FHIT: variants seen among roughly 807,000 people sequenced by gnomAD.
The protein encoded by FHIT is fragile histidine triad diadenosine triphosphatase.
A neutral mutation model predicts 17.9 loss-of-function variants in FHIT; 19 were observed. That is an observed-to-expected ratio of 1.06 (90% CI 0.74 to 1.56). The LOEUF (loss-of-function observed/expected upper bound fraction) is 1.56. Among genes scored for constraint, FHIT ranks in the 40% most tolerant of loss-of-function variants. FHIT has a pLI of 0.00. For missense variants in FHIT, 248 were observed against 189.2 expected (o/e 1.31, Z -1.82); for synonymous variants, 81 against 69.7 (o/e 1.16, Z -0.81).
Position 60,636,869 on chromosome 3 carries a change from A to G in FHIT, c.-17-99890T>C, listed in dbSNP as rs1360565287. 5.3e-5 allele frequency among the ~76,000 whole-genome samples: 8 copies of G among 152,192 alleles called. No homozygotes were observed. The East Asian group carries it at 1.3e-3, about 26-fold the overall frequency. On this transcript the variant is annotated intron_variant, in intron 4 of 9. Transcript: ENST00000492590. ...TCCTGTGACCTCATTTTCACTCTAA[A>G]GTAACAGAGAAAGCCAAGTGGCTTC...
chr3:60,849,228 A>G (rs1393664131), intron 3 of FHIT, among the ~76,000 whole-genome samples: 5 of 151,936 alleles, frequency 3.3e-5, no homozygotes, highest in Non-Finnish European at 5.9e-5. Flanking sequence ...AGGGAGAGAC[A>G]GAGAGAATGA....
At chr3:60,206,241 T>G (rs1242742022) in intron 5 of FHIT, among the ~76,000 whole-genome samples, 1 of 151,824 alleles carries the variant, frequency 6.6e-6, no homozygotes, top group East Asian at 1.9e-4. Flanking sequence ...TTCTTGTTCT[T>G]GCTGCTATTA....
intron 5 of FHIT, among the ~76,000 whole-genome samples, chr3:60,208,481 A>T (rs1024704498): frequency 6.6e-6 from 1 of 152,228 alleles, no homozygotes; most frequent in East Asian, 1.9e-4. Context: ...CTAAATGCCC[A>T]CATTATGAGA....
At chr3:60,960,964 G>A (rs1395840669) in intron 3 of FHIT, among the ~76,000 whole-genome samples, 1 of 152,146 alleles carries the variant, frequency 6.6e-6, no homozygotes, top group Non-Finnish European at 1.5e-5. Flanking sequence ...GGGATGGCTG[G>A]GTCAAAAGGT....
At chr3:60,082,044 T>C (rs866572532) in intron 5 of FHIT, among the ~76,000 whole-genome samples, 25 of 151,856 alleles carry the variant, frequency 1.6e-4, no homozygotes, top group African/African-American at 5.8e-4. Flanking sequence ...ATGATGCTCA[T>C]GTTTGGGGTA....
At chr3:61,138,099 C>T (rs1214262764) in intron 2 of FHIT, among the ~76,000 whole-genome samples, 1 of 147,652 alleles carries the variant, frequency 6.8e-6, no homozygotes. Context: ...AGAAGAGGTC[C>T]CACCTCATAG....
At chr3:59,934,952 A>C (rs1706160169) in intron 7 of FHIT, among the ~76,000 whole-genome samples, 1 of 152,146 alleles carries the variant, frequency 6.6e-6, no homozygotes, top group African/African-American at 2.4e-5. Flanking sequence ...AGAATTTATA[A>C]TCACTGCCTC....
chr3:60,585,426 T>C (rs548141915), intron 4 of FHIT, among the ~76,000 whole-genome samples: 1 of 152,066 alleles, frequency 6.6e-6, no homozygotes, highest in Non-Finnish European at 1.5e-5. Flanking sequence ...CCTTAAGTTA[T>C]TCATAGACAA....
chr3:61,156,401 C>A (rs2037535131), intron 2 of FHIT, among the ~76,000 whole-genome samples: 1 of 152,024 alleles, frequency 6.6e-6, no homozygotes, highest in Non-Finnish European at 1.5e-5. Context: ...CCCCGGTTAT[C>A]CATTCTCACA....
At chr3:59,918,962 AAAAT>A (rs1280667605) in intron 8 of FHIT, among the ~76,000 whole-genome samples, 3 of 152,306 alleles carry the variant, frequency 2.0e-5, no homozygotes, top group African/African-American at 7.2e-5. Context: ...GAATGAGAAA[AAAAT>A]AAATACAGTG....
intron 5 of FHIT, among the ~76,000 whole-genome samples, chr3:60,089,973 C>G (rs1703661885): frequency 6.6e-6 from 1 of 152,154 alleles, no homozygotes; most frequent in South Asian, 2.1e-4. Flanking sequence ...ACAATAACAA[C>G]AGCCATCACT....
chr3:60,218,357 C>A (rs547448149), intron 5 of FHIT, among the ~76,000 whole-genome samples: 1 of 152,166 alleles, frequency 6.6e-6, no homozygotes, highest in South Asian at 2.1e-4. Flanking sequence ...ATGCTTAATT[C>A]TTATATACTG....
At chr3:60,179,144 C>A in intron 5 of FHIT, among the ~76,000 whole-genome samples, 1 of 152,268 alleles carries the variant, frequency 6.6e-6, no homozygotes. Context: ...CTACCTACCA[C>A]GTGGCCGCAT....
intron 3 of FHIT, among the ~76,000 whole-genome samples, chr3:61,024,773 A>G (rs886131950): frequency 6.6e-6 from 1 of 152,192 alleles, no homozygotes; most frequent in Admixed American, 6.5e-5. Flanking sequence ...GATCATAGCT[A>G]TTAACAATAT....
At chr3:59,928,114 G>C (rs1705765902) in intron 7 of FHIT, among the ~76,000 whole-genome samples, 1 of 152,204 alleles carries the variant, frequency 6.6e-6, no homozygotes, top group African/African-American at 2.4e-5. Context: ...AGTTGGCCCT[G>C]TGTGAATCCT....
rs113611474 is a variant in FHIT, at chr3:59,947,051, C to T, written c.280-24637G>A. On this transcript the variant is annotated intron_variant, in intron 7 of 9. Transcript: ENST00000492590. ...CAGAAGGAGTTAGGGAGAAGGTCCTCCTCCTACATTTTTCAGAATAGTTTC... is the reference window on the plus strand; with the variant it reads ...CAGAAGGAGTTAGGGAGAAGGTCCTTCTCCTACATTTTTCAGAATAGTTTC... Among the ~76,000 whole-genome samples the T allele has an allele frequency of 2.9e-3, 434 of 152,280 alleles. 1 individual carries two copies. The highest frequency in any genetic ancestry group is 0.01 in the African/African-American group (420 of 41,556).
At chr3:59,932,081 A>C (rs1193281138) in intron 7 of FHIT, among the ~76,000 whole-genome samples, 1 of 152,170 alleles carries the variant, frequency 6.6e-6, no homozygotes, top group African/African-American at 2.4e-5. Context: ...CAAGGTGGAA[A>C]TCATTGGCAA....
intron 7 of FHIT, among the ~76,000 whole-genome samples, chr3:59,982,256 G>A (rs2107437058): frequency 6.6e-6 from 1 of 150,480 alleles, no homozygotes; most frequent in Middle Eastern, 3.4e-3. Context: ...CCCTGAAGAT[G>A]GTTGTTTAAG....
chr3:60,852,661 A>G (rs1225710684), intron 3 of FHIT, among the ~76,000 whole-genome samples: 1 of 152,084 alleles, frequency 6.6e-6, no homozygotes, highest in Non-Finnish European at 1.5e-5. Flanking sequence ...TAATGTATCA[A>G]GAAAGGATAT....
Sources: allele counts gnomAD v4.1 joint callset (sites outside exome capture counted in the v4.1 genomes callset), GRCh38; gene constraint gnomAD v4.1.1; transcripts MANE v1.5; gene names NCBI Gene and HGNC (gene_info 2026-07-23, HGNC 2026-07-21).